Variants in NEO1 observed in about 807,000 individuals in gnomAD.
NEO1 encodes neogenin.
A neutral mutation model predicts 159.7 loss-of-function variants in NEO1; 63 were observed. The observed-to-expected ratio is 0.39, with a 90% CI of 0.32 to 0.49. The LOEUF (loss-of-function observed/expected upper bound fraction) is 0.49. Among genes scored for constraint, NEO1 ranks in the 20% least tolerant of loss-of-function variants. The pLI is 0.85. For synonymous variants in NEO1, 633 were observed against 662.0 expected (o/e 0.96, Z 0.67); for missense variants, 1,615 against 1,831.0 (o/e 0.88, Z 2.15).
intron 7 of NEO1, among the ~76,000 whole-genome samples, chr15:73,179,732 CT>C (rs1658706621): frequency 6.6e-6 from 1 of 152,178 alleles, no homozygotes; most frequent in African/African-American, 2.4e-5. Context: ...CTGGTACACA[CT>C]TCAAATCCTA....
intron 7 of NEO1, among the ~76,000 whole-genome samples, chr15:73,226,446 G>A (rs1278907722): frequency 1.3e-5 from 2 of 152,130 alleles, no homozygotes; most frequent in African/African-American, 4.8e-5. Context: ...ACTGTTTGGG[G>A]AAATAGGGAT....
intron 7 of NEO1, among the ~76,000 whole-genome samples, chr15:73,198,888 A>G (rs932387859): frequency 6.6e-6 from 1 of 151,876 alleles, no homozygotes; most frequent in African/African-American, 2.4e-5. Flanking sequence ...TAGTTCTCAT[A>G]TATCCTACAC....
Position 73,136,032 on chromosome 15 carries a change from G to C in NEO1, c.1015+5G>C. On this transcript the variant is annotated splice_donor_5th_base_variant and intron_variant, in intron 5 of 28. Coordinates refer to ENST00000261908, the MANE Select transcript of NEO1 (RefSeq NM_002499.4). Reference sequence around the variant, plus strand: ...AAGCAGAGCTTACAGTGCAAGGTATGTAAATATTTACTGTATAATTTAAAA... The same window carrying C: ...AAGCAGAGCTTACAGTGCAAGGTATCTAAATATTTACTGTATAATTTAAAA... 1 of 1,589,448 alleles carries C rather than the reference G, an allele frequency of 6.3e-7. No homozygotes were observed. Among genetic ancestry groups the C allele is most frequent in the South Asian group, 1.2e-5 (1 of 85,910 alleles).
intron 5 of NEO1, among the ~76,000 whole-genome samples, chr15:73,175,695 A>G: frequency 6.6e-6 from 1 of 152,218 alleles, no homozygotes; most frequent in East Asian, 1.9e-4. Context: ...CCCTTTGTCA[A>G]GGATGTCATA....
chr15:73,067,310 C>T (rs1291773844), intron 1 of NEO1, among the ~76,000 whole-genome samples: 1 of 151,932 alleles, frequency 6.6e-6, no homozygotes, highest in Non-Finnish European at 1.5e-5. Context: ...GTAAATTTTC[C>T]GGGGAAATTT....
At chr15:73,149,663 C>T (rs2033215961) in intron 5 of NEO1, among the ~76,000 whole-genome samples, 1 of 152,138 alleles carries the variant, frequency 6.6e-6, no homozygotes, top group African/African-American at 2.4e-5. Context: ...GAATTCTTAA[C>T]ATCACATTAT....
chr15:73,257,453 T>C (rs900157594), intron 13 of NEO1, among the ~76,000 whole-genome samples: 1 of 152,204 alleles, frequency 6.6e-6, no homozygotes, highest in Non-Finnish European at 1.5e-5. Flanking sequence ...TTTGTTGGCA[T>C]GTTCTGGCAC....
intron 4 of NEO1, 28 bp from the exon 5 acceptor site, chr15:73,135,861 ATC>A: frequency 8.8e-6 from 11 of 1,244,626 alleles, no homozygotes; most frequent in South Asian, 1.6e-5. Flanking sequence ...ACTGAAATGT[ATC>A]TTTTTTTTTT....
At chr15:73,115,734 C>A (rs759389029) in intron 1 of NEO1, among the ~76,000 whole-genome samples, 2 of 152,066 alleles carry the variant, frequency 1.3e-5, no homozygotes, top group Non-Finnish European at 2.9e-5. Flanking sequence ...TTCCAACAGG[C>A]TGAGAGTATA....
chr15:73,197,681 C>G (rs1160239393), intron 7 of NEO1, among the ~76,000 whole-genome samples: 1 of 132,378 alleles, frequency 7.6e-6, no homozygotes, highest in Non-Finnish European at 1.6e-5. Context: ...TTATACCTAC[C>G]TTTTTTTTTT....
chr15:73,146,521 T>G (rs1323088643), intron 5 of NEO1, among the ~76,000 whole-genome samples: 2 of 152,224 alleles, frequency 1.3e-5, no homozygotes, highest in Non-Finnish European at 2.9e-5. Flanking sequence ...CATTTTGGAT[T>G]GGTTTGCAGT....
chr15:73,207,478 G>A (rs1339359166), intron 7 of NEO1, among the ~76,000 whole-genome samples: 1 of 152,142 alleles, frequency 6.6e-6, no homozygotes, highest in Non-Finnish European at 1.5e-5. Flanking sequence ...GCCAAATCCT[G>A]TGTATCATTC....
intron 21 of NEO1, among the ~76,000 whole-genome samples, chr15:73,277,775 GCTTTTCTAGGAGAAGCTA>G: frequency 6.6e-6 from 1 of 152,290 alleles, no homozygotes. Flanking sequence ...CCCCTTGGTT[GCTTTTCTAGGAGAAGCTA>G]CTTTTGCTGT....
At chr15:73,274,168 T>A (rs1332661993) in intron 20 of NEO1, among the ~76,000 whole-genome samples, 163 bp downstream of exon 20, 2 of 120,216 alleles carry the variant, frequency 1.7e-5, no homozygotes, top group African/African-American at 5.2e-5. Flanking sequence ...CCTCACCTAC[T>A]CATTGACCAA....
intron 7 of NEO1, among the ~76,000 whole-genome samples, chr15:73,212,968 A>C (rs2037664297): frequency 6.6e-6 from 1 of 152,200 alleles, no homozygotes; most frequent in Non-Finnish European, 1.5e-5. Context: ...GTGTCATTGA[A>C]ATGAAAAATA....
chr15:73,167,239 C>G (rs916971624), intron 5 of NEO1, among the ~76,000 whole-genome samples: 1 of 149,592 alleles, frequency 6.7e-6, no homozygotes, highest in East Asian at 2.0e-4. Context: ...CAAACCTGCA[C>G]GTTGTGCACA....
intron 1 of NEO1, among the ~76,000 whole-genome samples, chr15:73,109,104 A>G (rs376799649): frequency 3.3e-4 from 51 of 152,328 alleles, no homozygotes; most frequent in East Asian, 3.3e-3. Context: ...TATTTTACAC[A>G]TAACAGTTGT....
Position 73,122,533 on chromosome 15 carries a change from A to G in NEO1, c.457A>G (p.Arg153Gly). Reference sequence around the variant, plus strand: ...CTTCCTTTATTGTCCAGGTCTTCCAAGATTTACCAGCCAACCAGAACCTTC... The same window carrying G: ...CTTCCTTTATTGTCCAGGTCTTCCAGGATTTACCAGCCAACCAGAACCTTC... ...TAKLIVAGLPRFTSQPEPSSV... is the reference protein window; with the variant it reads ...TAKLIVAGLPGFTSQPEPSSV... Residue 153 changes from arginine to glycine, a missense_variant, in exon 3 of 29, where the codon AGA becomes GGA. By Grantham distance (125) the Arg-to-Gly change is moderately radical (BLOSUM62 -2). Around this residue, in one of 3 missense-constraint regions of NEO1, gnomAD observed 1,018 missense variants for 1,115.4 expected, o/e 0.91. Coordinates refer to ENST00000261908, the MANE Select transcript of NEO1 (RefSeq NM_002499.4). 6.2e-7 allele frequency: 1 copy of G among 1,613,720 alleles called. No individual in the cohort carries two copies. Among genetic ancestry groups the G allele is most frequent in the Non-Finnish European group, 8.5e-7 (1 of 1,179,738 alleles).
Position 73,207,764 on chromosome 15 carries a change from A to T in NEO1, c.1292-28583A>T, listed in dbSNP as rs569518591. Among the ~76,000 whole-genome samples, 150 of 152,214 alleles carry T rather than the reference A, an allele frequency of 9.9e-4. 1 individual carries two copies. Among genetic ancestry groups the T allele is most frequent in the African/African-American group, 3.5e-3 (144 of 41,550 alleles). On this transcript the variant is annotated intron_variant, in intron 7 of 28. Transcript: ENST00000261908. The stretch of plus-strand genomic sequence containing the variant: ...TAATAAATATTATTAATAAGTAATT[A>T]TATTTATTCAGTTTAACTTCTTTAA...
Sources: allele counts gnomAD v4.1 joint callset (sites outside exome capture counted in the v4.1 genomes callset), GRCh38; gene constraint gnomAD v4.1.1; regional missense constraint gnomAD v4.1.1; transcripts MANE v1.5; gene names NCBI Gene and HGNC (gene_info 2026-07-23, HGNC 2026-07-21).